Variants in HADH observed in about 807,000 individuals in gnomAD.
The protein encoded by HADH is hydroxyacyl-CoA dehydrogenase, also known as hydroxyacyl-coenzyme A dehydrogenase, mitochondrial.
A neutral mutation model predicts 32.2 loss-of-function variants in HADH; 24 were observed. The observed-to-expected ratio is 0.75, with a 90% CI of 0.54 to 1.05. HADH has a LOEUF of 1.05. Ranked by LOEUF, HADH falls within the 50% of genes least tolerant of loss-of-function variation. The probability of loss-of-function intolerance (pLI) is 0.00; values close to 1 mark genes in which losing one functional copy is unlikely to be tolerated. For synonymous variants in HADH, 139 were observed against 152.5 expected, an observed-to-expected ratio of 0.91 and a Z score of 0.65; for missense variants, 350 against 397.1, an observed-to-expected ratio of 0.88 and a Z score of 1.01.
At chr4:108,022,772 A>G (rs762921078) in intron 4 of HADH, among the ~76,000 whole-genome samples, 2 of 152,140 alleles carry the variant, frequency 1.3e-5, no homozygotes, top group Non-Finnish European at 2.9e-5. Flanking sequence ...TTTACTCCCA[A>G]TGTAATTTCA....
chr4:107,990,198 A>C lies in HADH; in HGVS notation c.132+134A>C. The stretch of plus-strand genomic sequence containing the variant: ...TTTTCACCCCGCGCCTCCCGGGTGT[A>C]GTTGAAATATCTCGCGTCTGGGCCT... On this transcript the variant is annotated intron_variant, in intron 1 of 7. Coordinates refer to ENST00000309522, the MANE Select transcript of HADH (RefSeq NM_005327.7). 6 of 910,112 alleles carry C rather than the reference A, an allele frequency of 6.6e-6. No homozygotes were observed. The Admixed American group carries it at 1.3e-4, about 19-fold the overall frequency. The allele number at this position is 910,112 out of a possible 1,614,324, so 56.4% of individuals were successfully genotyped here. A position where few individuals can be genotyped will look rare whatever the true frequency, so the allele number is the denominator to read the frequency against.
rs752861969 is a variant in HADH, at chr4:108,023,555, T to G, written c.628T>G (p.Ser210Ala). The change falls in exon 5 of 8, where the codon TCT (serine) becomes GCT (alanine). Residue 210 changes from serine (S) to alanine (A), a missense_variant. Coordinates refer to ENST00000309522, the MANE Select transcript of HADH (RefSeq NM_005327.7). ...CAAAGCCCTAGGAAAGCATCCTGTT[T>G]CTTGCAAGGTAAGAGTATGGGTAGC... Reference protein sequence around the residue: ...FSKALGKHPVSCKDTPGFIVN... With the variant: ...FSKALGKHPVACKDTPGFIVN... 2.5e-6 allele frequency: 4 copies of G among 1,587,012 alleles called. No individual in the cohort carries two copies. The East Asian group carries it at 6.7e-5, about 27-fold the overall frequency.
At chr4:107,990,548 C>T (rs773874942) in intron 1 of HADH, among the ~76,000 whole-genome samples, 2 of 152,136 alleles carry the variant, frequency 1.3e-5, no homozygotes, top group African/African-American at 2.4e-5. Context: ...CTCTCCTAAA[C>T]GGCCTCCCGG....
chr4:108,023,667 T>C, intron 5 of HADH, 104 bp downstream of exon 5: 2 of 772,534 alleles, frequency 2.6e-6, no homozygotes, highest in Middle Eastern at 2.3e-4. Context: ...AGAAGGAGCA[T>C]TGTATACTGC....
rs188342649 is a variant in HADH, at chr4:108,035,124, A to G, written c.*767A>G. The G allele has an allele frequency of 6.6e-6, 1 of 152,568 alleles. No homozygotes were observed. Among genetic ancestry groups the G allele is most frequent in the Non-Finnish European group, 1.5e-5 (1 of 68,226 alleles). 9.5% of individuals were successfully genotyped at this position (152,568 alleles called of 1,614,324 possible). ...AAAAAAATGTATAATATAAAATTGT[A>G]ATACACTCAAATGATTATAAAAGTA... On this transcript the variant is annotated 3_prime_UTR_variant, in exon 8 of 8. Transcript: ENST00000309522.
intron 2 of HADH, among the ~76,000 whole-genome samples, chr4:108,012,472 T>G (rs764758570): frequency 1.3e-5 from 2 of 152,244 alleles, no homozygotes; most frequent in African/African-American, 4.8e-5. Context: ...GGGTCATTTA[T>G]AACCTGACAC....
chr4:107,998,828 A>G (rs1242714574), intron 1 of HADH, among the ~76,000 whole-genome samples: 1 of 152,016 alleles, frequency 6.6e-6, no homozygotes, highest in Non-Finnish European at 1.5e-5. Context: ...AATCTCCTTC[A>G]TGGTTCCCGA....
At chr4:107,995,181 T>A (rs1427835161) in intron 1 of HADH, among the ~76,000 whole-genome samples, 1 of 152,162 alleles carries the variant, frequency 6.6e-6, no homozygotes, top group African/African-American at 2.4e-5. Flanking sequence ...CTGGTAGTGG[T>A]ATTCTAATCT....
chr4:108,032,914 G>A lies in HADH; in HGVS notation c.710-262G>A, dbSNP rs28363961. On this transcript the variant is annotated intron_variant, in intron 6 of 7. Coordinates refer to ENST00000309522, the MANE Select transcript of HADH (RefSeq NM_005327.7). ...GGAGAATCACTTGAACCCAGGAGGC[G>A]GAGGTTGCAGCGAGCCAAGATTGTG... 8.4e-3 allele frequency: 3,769 copies of A among 447,766 alleles called. 113 individuals are homozygous for A. The highest frequency in any genetic ancestry group is 0.064 in the African/African-American group (3,183 of 49,910). The allele number at this position is 447,766 out of a possible 1,614,324, so 27.7% of individuals were successfully genotyped here.
At chr4:108,013,209 G>A (rs11938684) in intron 2 of HADH, among the ~76,000 whole-genome samples, 1 of 152,206 alleles carries the variant, frequency 6.6e-6, no homozygotes, top group Admixed American at 6.5e-5. Context: ...GGGATTACAG[G>A]TGTGAGCCAC....
chr4:108,029,147 C>G (rs759607953), intron 6 of HADH: 7 of 362,824 alleles, frequency 1.9e-5, no homozygotes, highest in Non-Finnish European at 2.9e-5. Flanking sequence ...CAGTCACACC[C>G]TAGGCCTCTT....
At chr4:107,998,743 A>G (rs1442642187) in intron 1 of HADH, among the ~76,000 whole-genome samples, 1 of 151,622 alleles carries the variant, frequency 6.6e-6, no homozygotes, top group African/African-American at 2.4e-5. Flanking sequence ...TTTTTTTCTT[A>G]GTAATAGCCA....
chr4:108,007,796 CA>C (rs1385530245), intron 1 of HADH, among the ~76,000 whole-genome samples: 1 of 152,114 alleles, frequency 6.6e-6, no homozygotes, highest in African/African-American at 2.4e-5. Context: ...TACCAGGCAT[CA>C]GGTTATATGT....
At chr4:108,006,675 G>T (rs754731591) in intron 1 of HADH, among the ~76,000 whole-genome samples, 10 of 152,148 alleles carry the variant, frequency 6.6e-5, no homozygotes, top group Non-Finnish European at 1.3e-4. Context: ...GGTGATTGTT[G>T]CTGCTGGTCA....
intron 1 of HADH, among the ~76,000 whole-genome samples, chr4:108,008,644 G>A (rs1735369329): frequency 6.6e-6 from 1 of 152,008 alleles, no homozygotes; most frequent in Admixed American, 6.6e-5. Flanking sequence ...TCTTCTCTGG[G>A]CAAGTTCATT....
At chr4:108,021,307 G>A (rs756669586) in intron 4 of HADH, among the ~76,000 whole-genome samples, 1 of 152,214 alleles carries the variant, frequency 6.6e-6, no homozygotes, top group Admixed American at 6.5e-5. Flanking sequence ...ATCTGGTAAT[G>A]TATGCTTTTG....
intron 4 of HADH, among the ~76,000 whole-genome samples, chr4:108,022,195 G>T (rs201698564): frequency 1.4e-5 from 2 of 140,604 alleles, no homozygotes; most frequent in Admixed American, 7.1e-5. Flanking sequence ...GTGTATGTGT[G>T]TGTGTATGTG....
At chr4:108,003,041 CAT>C (rs767958789) in intron 1 of HADH, among the ~76,000 whole-genome samples, 78 of 149,096 alleles carry the variant, frequency 5.2e-4, no homozygotes, top group Non-Finnish European at 9.1e-4. Flanking sequence ...GAAACCAAGA[CAT>C]AGAGGCTTCG....
At chr4:108,004,449 A>G in intron 1 of HADH, 1 of 341,364 alleles carries the variant, frequency 2.9e-6, no homozygotes, top group Non-Finnish European at 5.7e-6. Flanking sequence ...TTTTACCCAA[A>G]CTGTACAAAG....
Sources: allele counts gnomAD v4.1 joint callset (sites outside exome capture counted in the v4.1 genomes callset), GRCh38; gene constraint gnomAD v4.1.1; transcripts MANE v1.5; gene names NCBI Gene and HGNC (gene_info 2026-07-23, HGNC 2026-07-21).